The following GZMH variants were observed in gnomAD, a reference collection of about 807,000 sequenced individuals.
GZMH encodes the protein granzyme H, also known as cathepsin G-like 2, protein h-CCPX.
Under a neutral mutation model 20.7 loss-of-function variants are expected in GZMH, and 24 were observed. The ratio of observed to expected loss-of-function variants is 1.16; its 90% confidence interval spans 0.84 to 1.63. GZMH has a LOEUF of 1.63. Ranked by LOEUF, GZMH falls within the 40% of genes most tolerant of loss-of-function variation. The pLI, the probability that GZMH is intolerant of heterozygous loss-of-function variation, is 0.00. For synonymous variants in GZMH, 119 were observed against 116.1 expected (o/e 1.02, Z -0.16); for missense variants, 344 against 302.7 (o/e 1.14, Z -1.01).
Position 24,607,143 on chromosome 14 carries a change from C to T in GZMH, c.597+6G>A, listed in dbSNP as rs762415361. 2.5e-6 allele frequency: 4 copies of T among 1,608,656 alleles called. No individual in the cohort carries two copies. In the Admixed American group the frequency reaches 6.7e-5, roughly 27 times the overall value. On this transcript the variant is annotated splice_donor_region_variant and intron_variant, in intron 4 of 4. Coordinates refer to ENST00000216338, the MANE Select transcript of GZMH (RefSeq NM_033423.5). ...GGTCTTTCTGGGTAGAGGCTGGAAA[C>T]CCAACCTTGAAACCGGTCTGTGTCT...
At position 24,607,241 on chromosome 14, in the gene GZMH, CCTT is replaced by C. The variant is rs1174803043; in HGVS notation, c.502_504del (p.Lys168del). 9 of 1,613,964 alleles carry C rather than the reference CCTT, an allele frequency of 5.6e-6. No homozygotes were observed. The African/African-American group carries it at 6.7e-5, about 12-fold the overall frequency. ...TGGAAGAGACGTTCACACTGGCAGT[CCTT>C]CTGCACTGTCAGCAACACTTCCTGC... On this transcript the variant is annotated inframe_deletion, in exon 4 of 5. Transcript: ENST00000216338.
chr14:24,606,736 C>T lies in GZMH; in HGVS notation c.608G>A (p.Gly203Glu). 6.2e-7 allele frequency: 1 copy of T among 1,613,462 alleles called. No homozygotes were observed. The highest frequency in any genetic ancestry group is 8.5e-7 in the Non-Finnish European group (1 of 1,179,724). ...KTQTGFKGDSGGPLVCKDVAQ... is the reference protein window; with the variant it reads ...KTQTGFKGDSEGPLVCKDVAQ... ...TACGTCCTTACACACGAGGGGCCCC[C>T]CGGAGTCCCCCTGTGAACAGAGAGA... Residue 203 changes from glycine (G) to glutamate (E), a missense_variant, in exon 5 of 5, where the codon GGG becomes GAG. Physicochemically the swap from Gly to Glu is moderately conservative, Grantham distance 98. Transcript: ENST00000216338.
intron 4 of GZMH, 125 bp downstream of exon 4, chr14:24,607,024 C>T: frequency 9.7e-7 from 1 of 1,026,972 alleles, no homozygotes; most frequent in Non-Finnish European, 1.5e-6. Context: ...GACTAGATTC[C>T]AGGGGGACAC....
chr14:24,607,523 C>T, intron 3 of GZMH, 89 bp downstream of exon 3: 1 of 1,606,362 alleles, frequency 6.2e-7, no homozygotes, highest in East Asian at 2.2e-5. Flanking sequence ...ACCAAGAGGT[C>T]AGGATGGAAA....
At position 24,608,422 on chromosome 14, in the gene GZMH, A is replaced by G. The variant is rs769801405; in HGVS notation, c.56-10T>C. 1.2e-6 allele frequency: 2 copies of G among 1,613,844 alleles called. No homozygotes were observed. Among genetic ancestry groups the G allele is most frequent in the South Asian group, 2.2e-5 (2 of 91,064 alleles). Reference sequence around the variant, plus strand: ...CCCCCGATGATCTCCTCTGAAAGGAAAGACTGGAAGATAAAGTAGCTGGGG... The same window carrying G: ...CCCCCGATGATCTCCTCTGAAAGGAGAGACTGGAAGATAAAGTAGCTGGGG... On this transcript the variant is annotated splice_polypyrimidine_tract_variant and intron_variant, in intron 1 of 4. Transcript: ENST00000216338.
Position 24,606,555 on chromosome 14 carries a change from G to A in GZMH, c.*48C>T. On this transcript the variant is annotated 3_prime_UTR_variant, in exon 5 of 5. Coordinates refer to ENST00000216338, the MANE Select transcript of GZMH (RefSeq NM_033423.5). ...CCACCCCTTGGGGATTCTTGCCTCT[G>A]TCCCAGAGATGGTCAGGCCCAGAGG... 6.3e-7 allele frequency: 1 copy of A among 1,583,380 alleles called. No individual in the cohort carries two copies. Among genetic ancestry groups the A allele is most frequent in the Non-Finnish European group, 8.6e-7 (1 of 1,164,144 alleles).
rs1214820709 is a variant in GZMH, at chr14:24,608,340, T to C, written c.128A>G (p.Glu43Gly). The C allele has an allele frequency of 6.2e-7, 1 of 1,614,218 alleles. No individual in the cohort carries two copies. Among genetic ancestry groups the C allele is most frequent in the South Asian group, 1.1e-5 (1 of 91,074 alleles). ...PYMAFVQFLQ[E>G]KSRKRCGGIL... ...GCCGCCACACCTCTTCCGACTCTTC[T>C]CTTGCAGAAACTGAACAAAGGCCAT... Residue 43 changes from glutamate to glycine, a missense_variant, in exon 2 of 5, where the codon GAG becomes GGG. By Grantham distance (98) the Glu-to-Gly change is moderately conservative. Transcript: ENST00000216338.
rs2066898091 is a variant in GZMH at position 24,609,654 on chromosome 14, AC to A, written c.-42del. The stretch of plus-strand genomic sequence containing the variant: ...GCCCAGGTCAGAGCTGTTGGTGTTG[AC>A]TCCTTCCAGAAACAAATGCTGGAGG... On this transcript the variant is annotated 5_prime_UTR_variant, in exon 1 of 5. Coordinates refer to ENST00000216338, the MANE Select transcript of GZMH (RefSeq NM_033423.5). The A allele has an allele frequency of 6.7e-7, 1 of 1,487,708 alleles. No homozygotes were observed. The highest frequency in any genetic ancestry group is 9.3e-7 in the Non-Finnish European group (1 of 1,072,826). The allele number at this position is 1,487,708 out of a possible 1,614,324, so 92.2% of individuals were successfully genotyped here.
intron 3 of GZMH, 91 bp from the exon 4 acceptor site, chr14:24,607,497 T>C: frequency 6.3e-7 from 1 of 1,593,396 alleles, no homozygotes; most frequent in Non-Finnish European, 8.6e-7. Flanking sequence ...CCCTCTCCTC[T>C]AAGGCACAGG....
At chr14:24,608,146 G>A in intron 2 of GZMH, 119 bp downstream of exon 2, 1 of 1,101,688 alleles carries the variant, frequency 9.1e-7, no homozygotes, top group Non-Finnish European at 1.3e-6. Flanking sequence ...CTGCTCCGAT[G>A]AGCTTTCATG....
intron 3 of GZMH, 84 bp downstream of exon 3, chr14:24,607,528 T>C: frequency 6.2e-7 from 1 of 1,608,112 alleles, no homozygotes; most frequent in East Asian, 2.2e-5. Context: ...GAGGTCAGGA[T>C]GGAAAGGAGG....
chr14:24,608,232 G>A (rs369278726), intron 2 of GZMH, 33 bp downstream of exon 2: 1 of 1,612,650 alleles, frequency 6.2e-7, no homozygotes, highest in Non-Finnish European at 8.5e-7. Flanking sequence ...CCTGTAGGGG[G>A]AACTCAGGAG....
At position 24,606,730 on chromosome 14, in the gene GZMH, G is replaced by C; in HGVS notation, c.614C>G (p.Pro205Arg). 6.2e-7 allele frequency: 1 copy of C among 1,613,640 alleles called. No individual in the cohort carries two copies. The highest frequency in any genetic ancestry group is 1.7e-5 in the Admixed American group (1 of 59,994). The change falls in exon 5 of 5, where the codon CCC (proline) becomes CGC (arginine). Residue 205 changes from proline to arginine, a missense_variant. Physicochemically the swap from Pro to Arg is moderately radical, Grantham distance 103 (BLOSUM62 -2). Transcript: ENST00000216338. ...TTGGGCTACGTCCTTACACACGAGG[G>C]GCCCCCCGGAGTCCCCCTGTGAACA... is the stretch of plus-strand genomic sequence containing the variant. ...QTGFKGDSGG[P>R]LVCKDVAQGI...
At chr14:24,607,769 G>T in intron 2 of GZMH, 22 bp from the exon 3 acceptor site, 1 of 1,614,146 alleles carries the variant, frequency 6.2e-7, no homozygotes, top group Non-Finnish European at 8.5e-7. Flanking sequence ...GCAGAGTGAG[G>T]ATGGGGGTGG....
chr14:24,608,062 ACCTCTGAC>A (rs756977875), intron 2 of GZMH, among the ~76,000 whole-genome samples, 195 bp downstream of exon 2: 51 of 152,098 alleles, frequency 3.4e-4, no homozygotes, highest in African/African-American at 1.0e-3. Flanking sequence ...ACTTGCTCTG[ACCTCTGAC>A]CCTCTGACCC....
chr14:24,609,569 C>A lies in GZMH; in HGVS notation c.45G>T (p.Gly15=), dbSNP rs774580301. 93 of 1,608,326 alleles carry A rather than the reference C, an allele frequency of 5.8e-5. No homozygotes were observed. Among genetic ancestry groups the A allele is most frequent in the Middle Eastern group, 3.3e-4 (2 of 6,066 alleles). Residue 15 remains glycine (G), a synonymous_variant, in exon 1 of 5, where the codon GGG becomes GGT. Coordinates refer to ENST00000216338, the MANE Select transcript of GZMH (RefSeq NM_033423.5). ...LLLLAFLLTP[G]AGTEEIIGGH... ...GGGATAGTCACTTACCTGTCCCAGC[C>A]CCAGGGGTCAGAAGAAAGGCCAACA...
In GZMH at chr14:24,609,572, A is replaced by G; in HGVS notation, c.42T>C (p.Pro14=). 1 of 1,608,872 alleles carries G rather than the reference A, an allele frequency of 6.2e-7. No individual in the cohort carries two copies. Among genetic ancestry groups the G allele is most frequent in the East Asian group, 2.2e-5 (1 of 44,566 alleles). The change falls in exon 1 of 5, where the codon CCT becomes CCC. Residue 14 remains proline, a synonymous_variant. Transcript: ENST00000216338. The part of the protein sequence containing the change: ...FLLLLAFLLT[P]GAGTEEIIGG... ...ATAGTCACTTACCTGTCCCAGCCCCAGGGGTCAGAAGAAAGGCCAACAGGA... is the reference window on the plus strand; with the variant it reads ...ATAGTCACTTACCTGTCCCAGCCCCGGGGGTCAGAAGAAAGGCCAACAGGA...
chr14:24,606,698 G>T lies in GZMH; in HGVS notation c.646C>A (p.Leu216Ile), dbSNP rs767943816. 5.6e-6 allele frequency: 9 copies of T among 1,613,598 alleles called. No individual in the cohort carries two copies. Among genetic ancestry groups the T allele is most frequent in the Non-Finnish European group, 7.6e-6 (9 of 1,179,630 alleles). The stretch of plus-strand genomic sequence containing the variant: ...GTCCCTTTTTTGTTTCCATAGGAGA[G>T]AATACCTTGGGCTACGTCCTTACAC... ...LVCKDVAQGILSYGNKKGTPP... is the reference protein window; with the variant it reads ...LVCKDVAQGIISYGNKKGTPP... The change falls in exon 5 of 5, where the codon CTC becomes ATC. Residue 216 changes from leucine (L) to isoleucine (I), a missense_variant. By Grantham distance (5) the Leu-to-Ile change is conservative. Transcript: ENST00000216338.
intron 1 of GZMH, 98 bp downstream of exon 1, chr14:24,609,461 G>C: frequency 1.5e-6 from 1 of 684,796 alleles, no homozygotes; most frequent in Admixed American, 2.7e-5. Context: ...TGGAATGGGA[G>C]GTGGGCTCAG....
Sources: allele counts gnomAD v4.1 joint callset (sites outside exome capture counted in the v4.1 genomes callset), GRCh38; gene constraint gnomAD v4.1.1; transcripts MANE v1.5; gene names NCBI Gene and HGNC (gene_info 2026-07-23, HGNC 2026-07-21).